DGKK: variants seen among roughly 807,000 people sequenced by gnomAD.
The protein encoded by DGKK is diacylglycerol kinase kappa, also known as 142 kDa diacylglycerol kinase.
In DGKK, 35 loss-of-function variants were observed where a neutral mutation model predicts 92.2. The observed-to-expected ratio is 0.38, with a 90% CI of 0.29 to 0.50. The LOEUF (loss-of-function observed/expected upper bound fraction) is 0.50. Among genes scored for constraint, DGKK ranks in the 20% least tolerant of loss-of-function variants. The pLI is 0.92. For synonymous variants in DGKK, 368 were observed against 360.6 expected (o/e 1.02, Z -0.23); for missense variants, 910 against 992.2 (o/e 0.92, Z 1.11).
chrX:50,377,017 G>A, intron 22 of DGKK, 99 bp from the exon 23 acceptor site: 1 of 810,345 alleles, frequency 1.2e-6, no homozygotes, highest in Non-Finnish European at 1.7e-6. Flanking sequence ...CAATGGGTAT[G>A]TGGGTACAGT....
chrX:50,447,356 TAA>T (rs1926354073), intron 1 of DGKK, among the ~76,000 whole-genome samples: 1 of 10,601 alleles, frequency 9.4e-5, no homozygotes, highest in South Asian at 3.0e-3. Context: ...TATATATATA[TAA>T]TATATATATA....
intron 15 of DGKK, 69 bp from the exon 16 acceptor site, chrX:50,384,893 AG>A (rs1320752025): frequency 1.3e-6 from 1 of 768,241 alleles, no homozygotes. Flanking sequence ...GAAAGGAGGG[AG>A]GGAGGATGGA....
At chrX:50,407,354 G>T (rs140243423) in intron 4 of DGKK, among the ~76,000 whole-genome samples, 18 of 111,930 alleles carry the variant, frequency 1.6e-4, no homozygotes, top group African/African-American at 4.5e-4. Flanking sequence ...ACAGTTTACA[G>T]CTGGAAAGTC....
chrX:50,368,122 C>G lies in DGKK; in HGVS notation c.*818G>C, dbSNP rs1228901894. 9.1e-6 allele frequency: 1 copy of G among 110,378 alleles called. No homozygotes were observed. The highest frequency in any genetic ancestry group is 1.9e-5 in the Non-Finnish European group (1 of 52,970). The allele number at this position is 110,378 out of a possible 1,213,427, so 9.1% of individuals were successfully genotyped here. A position where few individuals can be genotyped will look rare whatever the true frequency, so the allele number is the denominator to read the frequency against. On this transcript the variant is annotated 3_prime_UTR_variant, in exon 28 of 28. Coordinates refer to ENST00000611977, the MANE Select transcript of DGKK (RefSeq NM_001013742.4). ...TCTATACATAATCTATACTGCAGCA[C>G]AGCGGCAAAACATTTAGTTAAAAAA... is the stretch of plus-strand genomic sequence containing the variant.
intron 1 of DGKK, among the ~76,000 whole-genome samples, chrX:50,452,435 G>A (rs1392895808): frequency 8.9e-6 from 1 of 112,128 alleles, no homozygotes; most frequent in Non-Finnish European, 1.9e-5. Context: ...TCTTCACTAG[G>A]CTTCTACCTT....
chrX:50,461,919 G>C (rs1261135291), intron 1 of DGKK, among the ~76,000 whole-genome samples: 1 of 111,698 alleles, frequency 9.0e-6, no homozygotes, highest in Non-Finnish European at 1.9e-5. Context: ...ATCAAAGCCA[G>C]CACATAATGA....
At chrX:50,427,544 G>A (rs895647260) in intron 1 of DGKK, among the ~76,000 whole-genome samples, 1 of 106,130 alleles carries the variant, frequency 9.4e-6, no homozygotes, top group Non-Finnish European at 1.9e-5. Context: ...TGGCTCACCA[G>A]TTGTAACAAA....
In DGKK at chrX:50,401,037, C is replaced by T. The variant is rs781855095; in HGVS notation, c.1411G>A (p.Gly471Ser). ...CTGAGGTTAAGATTTAACTACTCAC[C>T]ATCGCCTTTGGGGTCGCTTAGAGCA... ...PTALSDPKGDGQLVVSSDFWN... is the reference protein window; with the variant it reads ...PTALSDPKGDSQLVVSSDFWN... Residue 471 changes from glycine (G) to serine (S), a missense_variant and splice_region_variant, in exon 8 of 28, where the codon GGC becomes AGC. Coordinates refer to ENST00000611977, the MANE Select transcript of DGKK (RefSeq NM_001013742.4). 15 of 1,191,403 alleles carry T rather than the reference C, an allele frequency of 1.3e-5. No homozygotes were observed. The highest frequency in any genetic ancestry group is 1.7e-5 in the Non-Finnish European group (15 of 885,131).
At chrX:50,420,580 C>G in intron 3 of DGKK, 73 bp from the exon 4 acceptor site, 2 of 906,811 alleles carry the variant, frequency 2.2e-6, no homozygotes, top group Non-Finnish European at 3.2e-6. Flanking sequence ...TGTGAACTCT[C>G]TAAGAAACTA....
chrX:50,387,392 T>C (rs1355912377), intron 14 of DGKK, among the ~76,000 whole-genome samples, 162 bp downstream of exon 14: 1 of 111,621 alleles, frequency 9.0e-6, no homozygotes, highest in Non-Finnish European at 1.9e-5. Flanking sequence ...TAGCAAAAGA[T>C]GGAAGTTCAA....
In DGKK at chrX:50,378,618, A is replaced by G; in HGVS notation, c.2936T>C (p.Met979Thr). 1.7e-6 allele frequency: 2 copies of G among 1,209,771 alleles called. No individual in the cohort carries two copies. Among genetic ancestry groups the G allele is most frequent in the South Asian group, 1.8e-5 (1 of 56,298 alleles). The change falls in exon 21 of 28, where the codon ATG becomes ACG. Residue 979 changes from methionine (M) to threonine (T), a missense_variant. Physicochemically the swap from Met to Thr is moderately conservative, Grantham distance 81. Coordinates refer to ENST00000611977, the MANE Select transcript of DGKK (RefSeq NM_001013742.4). ...ATGATGCAGGTTGATGATACGGGAC[A>G]TTGCCATCTGCACAGAACCAAAGAT... ...VAIFGSVQMA[M>T]SRIINLHHHR...
At chrX:50,396,462 AGAATT>A (rs1924856563) in intron 8 of DGKK, among the ~76,000 whole-genome samples, 1 of 112,369 alleles carries the variant, frequency 8.9e-6, no homozygotes, top group African/African-American at 3.2e-5. Flanking sequence ...TAACTAGACA[AGAATT>A]GAATTAAGAA....
intron 1 of DGKK, among the ~76,000 whole-genome samples, chrX:50,438,753 G>A (rs1196772332): frequency 9.0e-6 from 1 of 111,692 alleles, no homozygotes; most frequent in Non-Finnish European, 1.9e-5. Flanking sequence ...ACTTCTCCAA[G>A]CTGCCATCTC....
chrX:50,440,463 G>A (rs782540549), intron 1 of DGKK, among the ~76,000 whole-genome samples: 4 of 111,660 alleles, frequency 3.6e-5, no homozygotes, highest in South Asian at 3.8e-4. Flanking sequence ...TATATACTAC[G>A]TAACAGCTTC....
intron 4 of DGKK, among the ~76,000 whole-genome samples, chrX:50,407,956 G>T (rs1925200191): frequency 1.8e-5 from 2 of 112,728 alleles, no homozygotes; most frequent in Non-Finnish European, 3.7e-5. Context: ...AGATTCTATA[G>T]GCATGAAACA....
intron 4 of DGKK, among the ~76,000 whole-genome samples, chrX:50,411,531 GA>G (rs1198258902): frequency 9.0e-6 from 1 of 111,083 alleles, no homozygotes; most frequent in Non-Finnish European, 1.9e-5. Flanking sequence ...ATTTAAAAAA[GA>G]AAAAAACCTC....
At chrX:50,462,989 C>A (rs190534672) in intron 1 of DGKK, among the ~76,000 whole-genome samples, 1,027 of 99,245 alleles carry the variant, frequency 0.01, 17 homozygotes, top group African/African-American at 0.035. Flanking sequence ...ACCCACCACC[C>A]CCCCCACACG....
chrX:50,425,544 C>A (rs1397640844), intron 1 of DGKK, among the ~76,000 whole-genome samples: 1 of 106,494 alleles, frequency 9.4e-6, no homozygotes, highest in Non-Finnish European at 1.9e-5. Flanking sequence ...CACACACATA[C>A]ACACACACAC....
At chrX:50,446,998 C>T (rs782080974) in intron 1 of DGKK, among the ~76,000 whole-genome samples, 47 of 108,006 alleles carry the variant, frequency 4.4e-4, no homozygotes, top group Non-Finnish European at 8.3e-4. Flanking sequence ...ATATGTACTA[C>T]GATGGAATTC....
Sources: gnomAD v4.1 joint callset for allele counts (sites outside exome capture counted in the v4.1 genomes callset) on GRCh38, gnomAD v4.1.1 for gene constraint, MANE v1.5 for transcripts, NCBI Gene and HGNC (gene_info 2026-07-23, HGNC 2026-07-21) for gene names.